Variants in RTEL1 observed in about 807,000 individuals in gnomAD.
RTEL1 encodes regulator of telomere elongation helicase 1.
Under a neutral mutation model 162.2 loss-of-function variants are expected in RTEL1, and 86 were observed. That is an observed-to-expected ratio of 0.53 (90% CI 0.45 to 0.63). RTEL1 has a LOEUF of 0.63. Among genes scored for constraint, RTEL1 ranks in the 30% least tolerant of loss-of-function variants. The pLI is 0.00. For synonymous variants in RTEL1, 958 were observed against 717.9 expected (o/e 1.33, Z -5.35); for missense variants, 1,941 against 1,750.2 (o/e 1.11, Z -1.95).
intron 8 of RTEL1, 110 bp from the exon 9 acceptor site, chr20:63,672,446 T>G: frequency 1.1e-6 from 1 of 873,070 alleles, no homozygotes; most frequent in Non-Finnish European, 1.9e-6. Flanking sequence ...TCGCCGGCGC[T>G]GTTGCTCATC....
chr20:63,667,668 G>A, intron 8 of RTEL1, 115 bp downstream of exon 8: 2 of 841,034 alleles, frequency 2.4e-6, no homozygotes, highest in Non-Finnish European at 4.0e-6. Context: ...GGCCTGGGTG[G>A]GAGGACTCAC....
rs200323578 is a variant in RTEL1 at position 63,693,296 on chromosome 20, C to T, written c.2992+13C>T. On this transcript the variant is annotated intron_variant, in intron 30 of 34. Coordinates refer to ENST00000360203, the MANE Select transcript of RTEL1 (RefSeq NM_001283009.2). ...CTGGACCCCACTGGTAAATGGGGCC[C>T]CAGGTGGGACCCTCAGACTCCTGCG... The T allele has an allele frequency of 4.3e-6, 7 of 1,611,118 alleles. No individual in the cohort carries two copies. Among genetic ancestry groups the T allele is most frequent in the Admixed American group, 3.3e-5 (2 of 59,934 alleles).
At chr20:63,660,418 G>A (rs1052397912) in intron 2 of RTEL1, among the ~76,000 whole-genome samples, 5 of 152,200 alleles carry the variant, frequency 3.3e-5, no homozygotes, top group Admixed American at 6.5e-5. Context: ...TATCGAGACT[G>A]GAGAATGGCG....
Position 63,668,737 on chromosome 20 carries a change from A to G in RTEL1, c.699+1184A>G, listed in dbSNP as rs2090189984. Among the ~76,000 whole-genome samples the G allele has an allele frequency of 6.6e-6, 1 of 152,170 alleles. No individual in the cohort carries two copies. The highest frequency in any genetic ancestry group is 1.9e-4 in the East Asian group (1 of 5,196). ...CCTGGGAACCATCTGGAGAGCTTCT[A>G]ACCCAACCAGGCCCCTCCCTGGGAC... On this transcript the variant is annotated intron_variant, in intron 8 of 34. Transcript: ENST00000360203. This position sits in a 1 kb window ranked among gnomAD's most constrained non-coding sequence, Gnocchi z 4.3.
At chr20:63,688,501 C>T (rs775446963) in intron 20 of RTEL1, 27 bp from the exon 21 acceptor site, 1 of 1,607,324 alleles carries the variant, frequency 6.2e-7, no homozygotes, top group Admixed American at 1.7e-5. Flanking sequence ...ACCAGGGCTG[C>T]CGTGTCCCTG....
chr20:63,678,463 C>A, intron 12 of RTEL1, 117 bp downstream of exon 12: 1 of 965,508 alleles, frequency 1.0e-6, no homozygotes, highest in Non-Finnish European at 1.5e-6. Flanking sequence ...GCCTGTTTTC[C>A]CTTTTTGAGA....
intron 10 of RTEL1, among the ~76,000 whole-genome samples, chr20:63,676,615 C>A (rs930555305): frequency 6.6e-6 from 1 of 152,108 alleles, no homozygotes; most frequent in African/African-American, 2.4e-5. Context: ...ATGTGGTGAT[C>A]CCATTCACAC....
Position 63,690,910 on chromosome 20 carries a change from A to G in RTEL1, c.2519A>G (p.His840Arg), listed in dbSNP as rs1172213714. The G allele has an allele frequency of 6.4e-6, 10 of 1,570,054 alleles. No individual in the cohort carries two copies. The highest frequency in any genetic ancestry group is 8.6e-6 in the Non-Finnish European group (10 of 1,158,182). The change falls in exon 27 of 35, where the codon CAC becomes CGC. Residue 840 changes from histidine to arginine, a missense_variant. Coordinates refer to ENST00000360203, the MANE Select transcript of RTEL1 (RefSeq NM_001283009.2). The part of the protein sequence containing the change: ...RPRGLLAALE[H>R]SEQRAGSPGE... ...AGGGGGCTGCTGGCCGCCCTGGAGC[A>G]CAGCGAACAGCGGGCGGGGAGCCCT...
intron 28 of RTEL1, chr20:63,692,492 G>T (rs966336983): frequency 2.2e-6 from 1 of 444,868 alleles, no homozygotes; most frequent in Non-Finnish European, 4.1e-6. Context: ...GGGGCAGGGG[G>T]CTTGAGGGAG....
intron 14 of RTEL1, chr20:63,681,601 G>T: frequency 1.0e-6 from 1 of 985,390 alleles, no homozygotes; most frequent in African/African-American, 1.7e-5. Context: ...TGGCTGGCCT[G>T]TGCATGCTGC....
At chr20:63,690,728 A>G in intron 26 of RTEL1, 77 bp from the exon 27 acceptor site, 1 of 1,478,676 alleles carries the variant, frequency 6.8e-7, no homozygotes, top group South Asian at 1.3e-5. Flanking sequence ...CTCTCCCCCA[A>G]GAGGGGCTTT....
chr20:63,670,755 G>C (rs1481006720), intron 8 of RTEL1, among the ~76,000 whole-genome samples: 1 of 152,032 alleles, frequency 6.6e-6, no homozygotes, highest in Non-Finnish European at 1.5e-5. Flanking sequence ...GGCCAAGGCT[G>C]GGGGATCGCT....
chr20:63,693,513 TCCACCA>T (rs1568720506), intron 30 of RTEL1, among the ~76,000 whole-genome samples: 1 of 2,478 alleles, frequency 4.0e-4, no homozygotes, highest in Non-Finnish European at 7.3e-4. Context: ...CACCACCTCC[TCCACCA>T]CCACCACCTC....
rs2090928769 is a variant in RTEL1 at position 63,694,772 on chromosome 20, T to C, written c.3141T>C (p.Ser1047=). 3 of 1,610,696 alleles carry C rather than the reference T, an allele frequency of 1.9e-6. No homozygotes were observed. The highest frequency in any genetic ancestry group is 2.2e-5 in the South Asian group (2 of 91,014). The part of the protein sequence containing the change: ...GDPGSQPQWG[S]GVPRAGKQGQ... ...CTGGCAGCCAACCACAGTGGGGGTC[T>C]GGAGTGCCCAGAGCAGGGAAGCAGG... The change falls in exon 32 of 35, where the codon TCT becomes TCC. Residue 1047 remains serine (S), a synonymous_variant. Coordinates refer to ENST00000360203, the MANE Select transcript of RTEL1 (RefSeq NM_001283009.2).
At chr20:63,688,783 C>T in intron 21 of RTEL1, 178 bp downstream of exon 21, 1 of 653,042 alleles carries the variant, frequency 1.5e-6, no homozygotes, top group Non-Finnish European at 2.6e-6. Flanking sequence ...TACAAAGCCC[C>T]CAGCACCGGG....
intron 31 of RTEL1, 37 bp from the exon 32 acceptor site, chr20:63,694,704 C>G: frequency 6.5e-7 from 1 of 1,529,566 alleles, no homozygotes; most frequent in South Asian, 1.2e-5. Context: ...AGTCCTCCAC[C>G]CCAGCGCCAC....
intron 14 of RTEL1, chr20:63,682,450 C>T (rs2090497304): frequency 1.0e-6 from 1 of 985,836 alleles, no homozygotes; most frequent in Non-Finnish European, 1.2e-6. Context: ...GGAACCGGAT[C>T]CTGGAACGTG....
At chr20:63,689,264 C>T in intron 22 of RTEL1, 132 bp downstream of exon 22, 1 of 962,154 alleles carries the variant, frequency 1.0e-6, no homozygotes, top group African/African-American at 1.6e-5. Flanking sequence ...CGACTGCTGG[C>T]CCTGCTGGGA....
At chr20:63,680,468 G>T (rs1380797934) in intron 13 of RTEL1, among the ~76,000 whole-genome samples, 196 bp from the exon 14 acceptor site, 1 of 152,214 alleles carries the variant, frequency 6.6e-6, no homozygotes. Flanking sequence ...TCCCTGCCTG[G>T]CTTCTCTCCT....
Sources: gnomAD v4.1 joint callset for allele counts (sites outside exome capture counted in the v4.1 genomes callset) on GRCh38, gnomAD v4.1.1 for gene constraint, Gnocchi (gnomAD v3.1) non-coding constraint, MANE v1.5 for transcripts, NCBI Gene and HGNC (gene_info 2026-07-23, HGNC 2026-07-21) for gene names.